Variants in TAFA5 observed in about 807,000 individuals in gnomAD.
The protein encoded by TAFA5 is TAFA chemokine like family member 5, also known as chemokine-like protein TAFA-5.
A neutral mutation model predicts 15.3 loss-of-function variants in TAFA5; 6 were observed. The ratio of observed to expected loss-of-function variants is 0.39; its 90% CI spans 0.21 to 0.77. The LOEUF (loss-of-function observed/expected upper bound fraction) is 0.77. Ranked by LOEUF, TAFA5 falls within the 30% of genes least tolerant of loss-of-function variation. TAFA5 has a pLI of 0.41. For missense variants in TAFA5, 161 were observed against 193.1 expected, an observed-to-expected ratio of 0.83 and a Z score of 0.98; for synonymous variants, 103 against 80.7, an observed-to-expected ratio of 1.28 and a Z score of -1.48.
At chr22:48,504,334 G>A (rs953034681) in intron 1 of TAFA5, among the ~76,000 whole-genome samples, 1 of 152,222 alleles carries the variant, frequency 6.6e-6, no homozygotes, top group African/African-American at 2.4e-5. Flanking sequence ...TCTTAATCCA[G>A]CCGTGCTTAG....
At position 48,534,122 on chromosome 22, in the gene TAFA5, A is replaced by G. The variant is rs75573600; in HGVS notation, c.112+44418A>G. Among the ~76,000 whole-genome samples, 843 of 151,906 alleles carry G rather than the reference A, an allele frequency of 5.5e-3. 7 individuals carry two copies. Among genetic ancestry groups the G allele is most frequent in the African/African-American group, 0.019 (785 of 41,434 alleles). On this transcript the variant is annotated intron_variant, in intron 1 of 3. Coordinates refer to ENST00000402357, the MANE Select transcript of TAFA5 (RefSeq NM_001082967.3). Reference sequence around the variant, plus strand: ...CAGGTGAGGCAGGGCCAGGCAGGTGAGGGGTGACAGGCAGGTGAGGGAGGT... The same window carrying G: ...CAGGTGAGGCAGGGCCAGGCAGGTGGGGGGTGACAGGCAGGTGAGGGAGGT...
intron 2 of TAFA5, among the ~76,000 whole-genome samples, chr22:48,706,498 A>T (rs1274020036): frequency 6.6e-6 from 1 of 152,138 alleles, no homozygotes; most frequent in Non-Finnish European, 1.5e-5. Context: ...GGGATATGTG[A>T]CTTCATCCGT....
rs141220900 is a variant in TAFA5, at chr22:48,517,148, C to G, written c.112+27444C>G. On this transcript the variant is annotated intron_variant, in intron 1 of 3. Transcript: ENST00000402357. ...CCCAGCCCCGGAAGCTCCTGCTCTC[C>G]CAGACCTTCAGAAGCAAAGGCTGCA... 2.0e-5 allele frequency among the ~76,000 whole-genome samples: 3 copies of G among 152,256 alleles called. No individual in the cohort carries two copies. In the East Asian group the frequency reaches 5.8e-4, roughly 30 times the overall value.
intron 3 of TAFA5, among the ~76,000 whole-genome samples, chr22:48,716,779 G>C (rs927491640): frequency 1.3e-5 from 2 of 152,130 alleles, no homozygotes; most frequent in South Asian, 2.1e-4. Context: ...ATGTACATAT[G>C]GTATGCCTAT....
chr22:48,514,254 T>C (rs1363343011), intron 1 of TAFA5, among the ~76,000 whole-genome samples: 1 of 152,216 alleles, frequency 6.6e-6, no homozygotes, highest in Non-Finnish European at 1.5e-5. Context: ...AAATAAGTTT[T>C]GGGAGGTGGT....
intron 2 of TAFA5, among the ~76,000 whole-genome samples, chr22:48,701,154 G>T (rs923282299): frequency 5.9e-5 from 9 of 152,160 alleles, no homozygotes; most frequent in Admixed American, 1.3e-4. Flanking sequence ...GGGTGTCTCA[G>T]GACCGGCTCC....
At chr22:48,726,457 G>T (rs1263169802) in intron 3 of TAFA5, among the ~76,000 whole-genome samples, 6 of 152,164 alleles carry the variant, frequency 3.9e-5, no homozygotes, top group Admixed American at 3.9e-4. Context: ...CTGGACGGGA[G>T]AATCACTGGT....
chr22:48,555,627 G>T (rs1014275227), intron 1 of TAFA5, among the ~76,000 whole-genome samples: 1 of 152,172 alleles, frequency 6.6e-6, no homozygotes, highest in African/African-American at 2.4e-5. Flanking sequence ...GTGGCCTGGG[G>T]TGCACCCCCC....
In TAFA5 at chr22:48,492,915, C is replaced by T. The variant is rs146114946; in HGVS notation, c.112+3211C>T. Among the ~76,000 whole-genome samples, 332 of 152,282 alleles carry T rather than the reference C, an allele frequency of 2.2e-3. 2 individuals are homozygous for T. The highest frequency in any genetic ancestry group is 7.7e-3 in the African/African-American group (320 of 41,548). On this transcript the variant is annotated intron_variant, in intron 1 of 3. Coordinates refer to ENST00000402357, the MANE Select transcript of TAFA5 (RefSeq NM_001082967.3). ...TTGATATAGGTTGTTTTCCCCTTAG[C>T]GTATTTGGAGTAGAGAAGTCTGTCT...
At chr22:48,574,675 C>T (rs1366785346) in intron 1 of TAFA5, among the ~76,000 whole-genome samples, 2 of 152,166 alleles carry the variant, frequency 1.3e-5, no homozygotes, top group Non-Finnish European at 1.5e-5. Context: ...GAAGCTTAGG[C>T]CCCGATTCCT....
chr22:48,533,191 A>T (rs915730202), intron 1 of TAFA5, among the ~76,000 whole-genome samples: 2 of 152,010 alleles, frequency 1.3e-5, no homozygotes, highest in African/African-American at 4.8e-5. Context: ...GGCCCTGAGG[A>T]AGGGTGAGGG....
intron 3 of TAFA5, among the ~76,000 whole-genome samples, chr22:48,711,745 C>T (rs114278749): frequency 1.5e-3 from 221 of 152,350 alleles, no homozygotes; most frequent in African/African-American, 5.0e-3. Flanking sequence ...CTAATGGCCA[C>T]GTTCTCAGAT....
chr22:48,694,777 T>G (rs972002529), intron 2 of TAFA5, among the ~76,000 whole-genome samples: 183 of 104,170 alleles, frequency 1.8e-3, no homozygotes, highest in African/African-American at 6.3e-3. Flanking sequence ...TCAGACCTCC[T>G]CCCCCACCCC....
At chr22:48,684,703 CAA>C (rs1293032783) in intron 2 of TAFA5, among the ~76,000 whole-genome samples, 1 of 152,216 alleles carries the variant, frequency 6.6e-6, no homozygotes, top group East Asian at 1.9e-4. Context: ...AGGCACTAAA[CAA>C]AGACTGAGGC....
At chr22:48,511,274 C>A (rs892821570) in intron 1 of TAFA5, among the ~76,000 whole-genome samples, 1 of 152,194 alleles carries the variant, frequency 6.6e-6, no homozygotes, top group Admixed American at 6.5e-5. Flanking sequence ...GTCTGGAATC[C>A]CACAGGAAAA....
intron 1 of TAFA5, among the ~76,000 whole-genome samples, chr22:48,518,911 C>G (rs151080301): frequency 5.3e-5 from 8 of 152,340 alleles, no homozygotes; most frequent in African/African-American, 1.9e-4. Flanking sequence ...CCCCTTCCCC[C>G]TTTCTTCCTG....
intron 1 of TAFA5, among the ~76,000 whole-genome samples, chr22:48,514,033 G>A (rs537698371): frequency 1.3e-5 from 2 of 152,248 alleles, no homozygotes; most frequent in South Asian, 2.1e-4. Flanking sequence ...TCTCTCGGGG[G>A]TGTAGACTCC....
chr22:48,539,299 T>G, intron 1 of TAFA5: 1 of 464,938 alleles, frequency 2.2e-6, no homozygotes, highest in Non-Finnish European at 4.5e-6. Flanking sequence ...ACTCCTAAAT[T>G]GGTTTATTTG....
intron 1 of TAFA5, among the ~76,000 whole-genome samples, chr22:48,578,490 T>C (rs1458542634): frequency 2.0e-5 from 3 of 152,184 alleles, no homozygotes; most frequent in African/African-American, 4.8e-5. Flanking sequence ...GAGTACTTTT[T>C]GTGGATTTAG....
Sources: allele counts gnomAD v4.1 joint callset (sites outside exome capture counted in the v4.1 genomes callset), GRCh38; gene constraint gnomAD v4.1.1; transcripts MANE v1.5; gene names NCBI Gene and HGNC (gene_info 2026-07-23, HGNC 2026-07-21).